The following TMEM41B variants were observed in gnomAD, a reference collection of about 807,000 sequenced individuals.
The protein encoded by TMEM41B is transmembrane protein 41B, also known as protein stasimon.
In TMEM41B, 18 loss-of-function variants were observed where a neutral mutation model predicts 31.9. The ratio of observed to expected loss-of-function variants is 0.56; its 90% confidence interval spans 0.39 to 0.84. The LOEUF is 0.84. TMEM41B is among the 40% of genes least tolerant of loss of function. The probability of loss-of-function intolerance (pLI) is 0.00; values close to 1 mark genes in which losing one functional copy is unlikely to be tolerated. For missense variants in TMEM41B, 322 were observed against 348.0 expected, an observed-to-expected ratio of 0.93 and a Z score of 0.59; for synonymous variants, 144 against 124.3, an observed-to-expected ratio of 1.16 and a Z score of -1.05.
intron 1 of TMEM41B, among the ~76,000 whole-genome samples, chr11:9,302,012 T>G (rs1324617413): frequency 1.3e-5 from 2 of 150,596 alleles, no homozygotes; most frequent in Non-Finnish European, 1.5e-5. Flanking sequence ...TCTCGGTTTT[T>G]TTTTTTTTTT....
At chr11:9,312,344 A>C (rs1045452724) in intron 1 of TMEM41B, among the ~76,000 whole-genome samples, 2 of 152,184 alleles carry the variant, frequency 1.3e-5, no homozygotes, top group African/African-American at 2.4e-5. Flanking sequence ...CTCTACAAAA[A>C]ACAAATAATT....
At chr11:9,295,427 C>A in intron 2 of TMEM41B, 40 bp from the exon 3 acceptor site, 1 of 1,242,820 alleles carries the variant, frequency 8.0e-7, no homozygotes, top group South Asian at 1.4e-5. Context: ...CAGAATTTTG[C>A]CAAGATAATA....
chr11:9,299,581 T>C lies in TMEM41B; in HGVS notation c.239+3A>G, dbSNP rs1853195815. 1 of 1,544,686 alleles carries C rather than the reference T, an allele frequency of 6.5e-7. No homozygotes were observed. Among genetic ancestry groups the C allele is most frequent in the Non-Finnish European group, 8.9e-7 (1 of 1,122,816 alleles). ...TTTTCAGTTTATCTCTCAGTATACT[T>C]ACTCACTAAGCTGAGGAAAATTTTT... On this transcript the variant is annotated splice_donor_region_variant and intron_variant, in intron 2 of 6. Transcript: ENST00000528080.
intron 1 of TMEM41B, chr11:9,311,314 G>A (rs994121728): frequency 6.6e-7 from 1 of 1,517,288 alleles, no homozygotes; most frequent in African/African-American, 1.4e-5. Flanking sequence ...GAGGAGGAAT[G>A]CTTGCTATGC....
chr11:9,309,144 G>A (rs965478896), intron 1 of TMEM41B, among the ~76,000 whole-genome samples: 17 of 152,150 alleles, frequency 1.1e-4, no homozygotes, highest in Non-Finnish European at 5.9e-5. Context: ...CTACTGGGGA[G>A]GCTGAGGCGG....
At chr11:9,286,746 T>A (rs1430387965) in intron 5 of TMEM41B, among the ~76,000 whole-genome samples, 153 bp from the exon 6 acceptor site, 1 of 152,234 alleles carries the variant, frequency 6.6e-6, no homozygotes, top group Non-Finnish European at 1.5e-5. Context: ...ATGCCTGTAA[T>A]CCCAGCACTT....
rs764882767 is a variant in TMEM41B at position 9,283,510 on chromosome 11, T to A, written c.790A>T (p.Asn264Tyr). Residue 264 changes from asparagine to tyrosine, a missense_variant, in exon 7 of 7, where the codon AAC becomes TAC. This residue lies in a region of TMEM41B where 92 missense variants were observed against 88.0 expected (regional missense o/e 1.05). Transcript: ENST00000528080. ...LTTAGEAVSW[N>Y]SIFILMILAV... ...AAGATCATCAGAATAAATATTGAGT[T>A]CCAGGAAACAGCTTCTCCTGCTGTT... The A allele has an allele frequency of 1.9e-6, 3 of 1,613,624 alleles. No individual in the cohort carries two copies. The South Asian group carries it at 3.3e-5, about 18-fold the overall frequency.
At chr11:9,289,522 C>T (rs1188768997) in intron 3 of TMEM41B, among the ~76,000 whole-genome samples, 1 of 151,966 alleles carries the variant, frequency 6.6e-6, no homozygotes, top group Non-Finnish European at 1.5e-5. Context: ...TGGGTTTTTT[C>T]ACCTTCAACT....
chr11:9,287,691 T>C lies in TMEM41B; in HGVS notation c.567+11A>G, dbSNP rs1182681416. ...AGAGTTACATCAAATAATTTAAAAATACATGTTTACCTGCTGTGACCATTT... is the reference window on the plus strand; with the variant it reads ...AGAGTTACATCAAATAATTTAAAAACACATGTTTACCTGCTGTGACCATTT... On this transcript the variant is annotated intron_variant, in intron 5 of 6. Coordinates refer to ENST00000528080, the MANE Select transcript of TMEM41B (RefSeq NM_015012.4). 1 of 1,578,034 alleles carries C rather than the reference T, an allele frequency of 6.3e-7. No individual in the cohort carries two copies. Among genetic ancestry groups the C allele is most frequent in the Non-Finnish European group, 8.7e-7 (1 of 1,155,332 alleles).
rs970814455 is a variant in TMEM41B at position 9,283,254 on chromosome 11, C to G, written c.*170G>C. On this transcript the variant is annotated 3_prime_UTR_variant, in exon 7 of 7. Transcript: ENST00000528080. Reference sequence around the variant, plus strand: ...CACAGTATACCAATTTCCATTTTTACTTTCTTCTCCCCTTGTCACTTAAAT... The same window carrying G: ...CACAGTATACCAATTTCCATTTTTAGTTTCTTCTCCCCTTGTCACTTAAAT... The G allele has an allele frequency of 1.0e-4, 57 of 558,348 alleles. 1 individual carries two copies. The South Asian group carries it at 1.3e-3, about 13-fold the overall frequency. 34.6% of individuals were successfully genotyped at this position (558,348 alleles called of 1,614,324 possible).
chr11:9,281,504 T>C lies in TMEM41B; in HGVS notation c.*1920A>G, dbSNP rs900589805. 6.6e-6 allele frequency: 1 copy of C among 152,224 alleles called. No individual in the cohort carries two copies. The highest frequency in any genetic ancestry group is 2.4e-5 in the African/African-American group (1 of 41,458). 9.4% of individuals were successfully genotyped at this position (152,224 alleles called of 1,614,324 possible). The stretch of plus-strand genomic sequence containing the variant: ...AATAAAAACAGGCTTTGAGGATGAT[T>C]ATACCTCTTATAATAAAAACATACA... On this transcript the variant is annotated 3_prime_UTR_variant, in exon 7 of 7. Coordinates refer to ENST00000528080, the MANE Select transcript of TMEM41B (RefSeq NM_015012.4).
chr11:9,303,948 G>A (rs926171494), intron 1 of TMEM41B, among the ~76,000 whole-genome samples: 3 of 152,144 alleles, frequency 2.0e-5, no homozygotes, highest in East Asian at 1.9e-4. Context: ...GATTACAGGC[G>A]TGAGCCACCA....
At chr11:9,306,322 T>C (rs1430236422) in intron 1 of TMEM41B, among the ~76,000 whole-genome samples, 1 of 151,992 alleles carries the variant, frequency 6.6e-6, no homozygotes, top group Non-Finnish European at 1.5e-5. Flanking sequence ...ATCATACTAA[T>C]TCCCAGTCTG....
At chr11:9,299,347 T>C (rs868850492) in intron 2 of TMEM41B, among the ~76,000 whole-genome samples, 2 of 60,550 alleles carry the variant, frequency 3.3e-5, no homozygotes, top group African/African-American at 1.0e-4. Context: ...CACACACACG[T>C]GTGTGTATAT....
Position 9,286,459 on chromosome 11 carries a change from A to G in TMEM41B, c.702T>C (p.Phe234=). 2 of 1,610,790 alleles carry G rather than the reference A, an allele frequency of 1.2e-6. No homozygotes were observed. The highest frequency in any genetic ancestry group is 1.1e-5 in the South Asian group (1 of 90,342). The change falls in exon 6 of 7, where the codon TTT becomes TTC. Residue 234 remains phenylalanine (F), a synonymous_variant. Transcript: ENST00000528080. The part of the protein sequence containing the change: ...VPLKVFFIGT[F]LGVAPPSFVA... ...AGCAAGAACCAGAGGGCTTACCTAG[A>G]AAAGTACCAATAAAAAAAACTTTCA...
intron 1 of TMEM41B, among the ~76,000 whole-genome samples, chr11:9,303,898 C>G (rs561125800): frequency 6.6e-6 from 1 of 152,102 alleles, no homozygotes; most frequent in Non-Finnish European, 1.5e-5. Flanking sequence ...GAACTCCTGA[C>G]GTCAGGTGAT....
intron 1 of TMEM41B, chr11:9,311,178 G>T: frequency 2.3e-6 from 3 of 1,302,318 alleles, no homozygotes; most frequent in East Asian, 7.3e-5. Flanking sequence ...GGTAGGGTGT[G>T]GGGAGCACAA....
intron 3 of TMEM41B, 78 bp from the exon 4 acceptor site, chr11:9,288,613 G>T: frequency 9.5e-7 from 1 of 1,050,392 alleles, no homozygotes; most frequent in Non-Finnish European, 1.4e-6. Flanking sequence ...CAGGAAAAAA[G>T]TATAAATACA....
chr11:9,283,626 C>G (rs761856824), intron 6 of TMEM41B, 33 bp from the exon 7 acceptor site: 5 of 1,564,654 alleles, frequency 3.2e-6, no homozygotes, highest in Non-Finnish European at 4.3e-6. Context: ...ACAGTAAAAA[C>G]CACCGCAATT....
Sources: allele counts gnomAD v4.1 joint callset (sites outside exome capture counted in the v4.1 genomes callset), GRCh38; gene constraint gnomAD v4.1.1; regional missense constraint gnomAD v4.1.1; transcripts MANE v1.5; gene names NCBI Gene and HGNC (gene_info 2026-07-23, HGNC 2026-07-21).